Variants in ROR1 observed in about 807,000 individuals in gnomAD.
ROR1 encodes inactive tyrosine-protein kinase transmembrane receptor ROR1.
A neutral mutation model predicts 78.8 loss-of-function variants in ROR1; 19 were observed. The ratio of observed to expected loss-of-function variants is 0.24; its 90% CI spans 0.17 to 0.35. ROR1 has a LOEUF of 0.35. Ranked by LOEUF, ROR1 falls within the 10% of genes least tolerant of loss-of-function variation. ROR1 has a pLI of 1.00. For missense variants in ROR1, 917 were observed against 1,177.8 expected (o/e 0.78, Z 3.24); for synonymous variants, 386 against 433.6 (o/e 0.89, Z 1.36).
At chr1:64,047,599 G>A (rs1046255385) in intron 2 of ROR1, among the ~76,000 whole-genome samples, 8 of 152,170 alleles carry the variant, frequency 5.3e-5, no homozygotes, top group African/African-American at 1.7e-4. Flanking sequence ...TCTCCACAAA[G>A]GGTACATAGT....
At chr1:63,977,174 T>G (rs1260660270) in intron 1 of ROR1, among the ~76,000 whole-genome samples, 1 of 152,118 alleles carries the variant, frequency 6.6e-6, no homozygotes, top group East Asian at 1.9e-4. Flanking sequence ...TACCTCCCAT[T>G]GGGTCCCTCC....
At chr1:63,895,453 A>G (rs961508777) in intron 1 of ROR1, among the ~76,000 whole-genome samples, 2 of 152,200 alleles carry the variant, frequency 1.3e-5, no homozygotes, top group African/African-American at 4.8e-5. Flanking sequence ...GACCTGAGAA[A>G]GAGGATGATC....
chr1:63,908,055 C>G (rs1645542084), intron 1 of ROR1, among the ~76,000 whole-genome samples: 1 of 152,058 alleles, frequency 6.6e-6, no homozygotes, highest in Non-Finnish European at 1.5e-5. Flanking sequence ...TTCCAGAGTA[C>G]TTTGATTTAT....
At chr1:63,884,513 T>C (rs1178033073) in intron 1 of ROR1, among the ~76,000 whole-genome samples, 2 of 152,198 alleles carry the variant, frequency 1.3e-5, no homozygotes, top group African/African-American at 2.4e-5. Context: ...AGGAAATTGC[T>C]CAAGGTCACG....
At chr1:64,139,453 G>A (rs1325540662) in intron 5 of ROR1, among the ~76,000 whole-genome samples, 1 of 152,216 alleles carries the variant, frequency 6.6e-6, no homozygotes, top group East Asian at 1.9e-4. Context: ...TGTCAATAGC[G>A]GTATTCAAAG....
At chr1:63,818,991 A>G (rs764937571) in intron 1 of ROR1, among the ~76,000 whole-genome samples, 2 of 152,148 alleles carry the variant, frequency 1.3e-5, no homozygotes, top group Non-Finnish European at 2.9e-5. Context: ...GGTTACTACT[A>G]ATAAGGAAAA....
At chr1:64,017,096 G>A (rs541566580) in intron 2 of ROR1, among the ~76,000 whole-genome samples, 4 of 151,840 alleles carry the variant, frequency 2.6e-5, no homozygotes, top group South Asian at 2.1e-4. Flanking sequence ...ATTTAGAGAC[G>A]GGGTCTCACC....
intron 1 of ROR1, among the ~76,000 whole-genome samples, chr1:63,839,755 T>A (rs1645038604): frequency 6.6e-6 from 1 of 152,194 alleles, no homozygotes; most frequent in Non-Finnish European, 1.5e-5. Flanking sequence ...TTTTTTCACT[T>A]AATACATAAT....
chr1:63,925,539 T>TG (rs1271498860), intron 1 of ROR1, among the ~76,000 whole-genome samples: 4 of 152,170 alleles, frequency 2.6e-5, no homozygotes, highest in African/African-American at 7.2e-5. Context: ...AGTAATGGGA[T>TG]GGCTGGGCCA....
At chr1:64,067,710 C>CTTTTTTTTTTTTTTTTTTT (rs986756579) in intron 4 of ROR1, among the ~76,000 whole-genome samples, 29 of 105,648 alleles carry the variant, frequency 2.7e-4, no homozygotes, top group African/African-American at 8.5e-4. Flanking sequence ...TAAATAAATT[C>CTTTTTTTTTTTTTTTTTTT]TTTTTTTTTT....
intron 2 of ROR1, among the ~76,000 whole-genome samples, chr1:64,032,882 G>A (rs1569585957): frequency 1.3e-5 from 2 of 152,110 alleles, no homozygotes; most frequent in African/African-American, 4.8e-5. Flanking sequence ...ACAATATTCT[G>A]TATGACACCA....
intron 6 of ROR1, among the ~76,000 whole-genome samples, chr1:64,141,730 TAA>T (rs1008618367): frequency 1.3e-5 from 2 of 152,204 alleles, no homozygotes; most frequent in African/African-American, 4.8e-5. Context: ...GTGAGTTAAG[TAA>T]ATGAGTGCAT....
At chr1:63,812,120 C>T (rs1485627455) in intron 1 of ROR1, among the ~76,000 whole-genome samples, 2 of 152,120 alleles carry the variant, frequency 1.3e-5, no homozygotes, top group Admixed American at 1.3e-4. Flanking sequence ...GCCGCCACGC[C>T]TGGCTAATTT....
chr1:64,123,568 G>T (rs538671522), intron 4 of ROR1, among the ~76,000 whole-genome samples: 1 of 152,054 alleles, frequency 6.6e-6, no homozygotes, highest in South Asian at 2.1e-4. Flanking sequence ...AACATAGAAT[G>T]GACAGAAAAA....
At chr1:64,061,855 T>C (rs1646919252) in intron 4 of ROR1, among the ~76,000 whole-genome samples, 1 of 152,232 alleles carries the variant, frequency 6.6e-6, no homozygotes, top group East Asian at 1.9e-4. Context: ...TCCTCTGTTA[T>C]AGTAAGATCT....
chr1:63,782,546 T>C (rs182813012), intron 1 of ROR1, among the ~76,000 whole-genome samples: 24 of 128,676 alleles, frequency 1.9e-4, no homozygotes, highest in African/African-American at 9.2e-4. Context: ...ATTTTGAGGT[T>C]TTTTTTTTTT....
At chr1:63,969,548 G>T (rs11810480) in intron 1 of ROR1, among the ~76,000 whole-genome samples, 3,850 of 152,136 alleles carry the variant, frequency 0.025, 165 homozygotes, top group African/African-American at 0.088. Context: ...AACTGAGTTT[G>T]GTGTCATCTC....
rs563510734 is a variant in ROR1, at chr1:64,048,781, G to A, written c.164-910G>A. On this transcript the variant is annotated intron_variant, in intron 2 of 8. Transcript: ENST00000371079. ...AGAGGAGCCAAAGCAAAATATACAT[G>A]CAGCATGATTCCATTTATATGAAGT... 3.3e-5 allele frequency among the ~76,000 whole-genome samples: 5 copies of A among 152,162 alleles called. No homozygotes were observed. The South Asian group carries it at 8.3e-4, about 25-fold the overall frequency.
At chr1:63,955,072 G>A (rs1259092041) in intron 1 of ROR1, among the ~76,000 whole-genome samples, 1 of 152,138 alleles carries the variant, frequency 6.6e-6, no homozygotes, top group Non-Finnish European at 1.5e-5. Flanking sequence ...GTGGTGACAA[G>A]CAAAGTCTGG....
Sources: gnomAD v4.1 joint callset for allele counts (sites outside exome capture counted in the v4.1 genomes callset) on GRCh38, gnomAD v4.1.1 for gene constraint, MANE v1.5 for transcripts, NCBI Gene and HGNC (gene_info 2026-07-23, HGNC 2026-07-21) for gene names.